Variants in ZSWIM4 observed in about 807,000 individuals in gnomAD.
ZSWIM4 encodes zinc finger SWIM-type containing 4.
In ZSWIM4, 62 loss-of-function variants were observed where a neutral mutation model predicts 102.5. The ratio of observed to expected loss-of-function variants is 0.60; its 90% CI spans 0.49 to 0.75. ZSWIM4 has a LOEUF of 0.75. ZSWIM4 is among the 30% of genes least tolerant of loss of function. The pLI, the probability that ZSWIM4 is intolerant of heterozygous loss-of-function variation, is 0.00. For missense variants in ZSWIM4, 1,280 were observed against 1,529.6 expected (o/e 0.84, Z 2.72); for synonymous variants, 652 against 674.5 (o/e 0.97, Z 0.52).
Position 13,830,537 on chromosome 19 carries a change from C to G in ZSWIM4, c.2808C>G (p.Leu936=). ...ARYMEHRGLP[L]RAYKLATLAL... Reference sequence around the variant, plus strand: ...ATATGGAGCACCGCGGGCTGCCGCTCCGGGCCTACAAGCTGGCGACGCTGG... The same window carrying G: ...ATATGGAGCACCGCGGGCTGCCGCTGCGGGCCTACAAGCTGGCGACGCTGG... The change falls in exon 14 of 14, where the codon CTC becomes CTG. Residue 936 remains leucine (L), a synonymous_variant. Coordinates refer to ENST00000590508, the MANE Select transcript of ZSWIM4 (RefSeq NM_001367834.3). 6.3e-7 allele frequency: 1 copy of G among 1,599,504 alleles called. No homozygotes were observed. The highest frequency in any genetic ancestry group is 8.5e-7 in the Non-Finnish European group (1 of 1,179,440).
At position 13,799,814 on chromosome 19, in the gene ZSWIM4, C is replaced by G; in HGVS notation, c.248C>G (p.Ser83Trp). The change falls in exon 2 of 14, where the codon TCG (serine) becomes TGG (tryptophan). Residue 83 changes from serine (S) to tryptophan (W), a missense_variant. Coordinates refer to ENST00000590508, the MANE Select transcript of ZSWIM4 (RefSeq NM_001367834.3). Reference sequence around the variant, plus strand: ...AGTGAACGGGAAATATGTATGTACTCGTCGCTGGGTTACCCGCCCCCAGAG... The same window carrying G: ...AGTGAACGGGAAATATGTATGTACTGGTCGCTGGGTTACCCGCCCCCAGAG... ...PRSEREICMY[S>W]SLGYPPPEGE... The G allele has an allele frequency of 1.2e-6, 2 of 1,613,990 alleles. No individual in the cohort carries two copies. The highest frequency in any genetic ancestry group is 1.7e-6 in the Non-Finnish European group (2 of 1,180,008).
At chr19:13,817,181 T>G in intron 7 of ZSWIM4, 35 bp from the exon 8 acceptor site, 1 of 1,593,766 alleles carries the variant, frequency 6.3e-7, no homozygotes, top group Non-Finnish European at 8.6e-7. Flanking sequence ...CTTGGGCAGG[T>G]GTGTGGGCAT....
chr19:13,799,632 T>TG, intron 1 of ZSWIM4, 88 bp from the exon 2 acceptor site: 1 of 1,338,916 alleles, frequency 7.5e-7, no homozygotes, highest in South Asian at 1.2e-5. Flanking sequence ...CTCGAACTCT[T>TG]GGCCTCAAGC....
intron 3 of ZSWIM4, 80 bp from the exon 4 acceptor site, chr19:13,808,756 A>G (rs1974985710): frequency 5.1e-6 from 7 of 1,359,660 alleles, no homozygotes; most frequent in African/African-American, 1.5e-5. Context: ...AAAAAAAAAA[A>G]AAAAAGGACA....
chr19:13,807,404 G>A (rs1006111788), intron 3 of ZSWIM4, among the ~76,000 whole-genome samples: 1 of 152,120 alleles, frequency 6.6e-6, no homozygotes, highest in Non-Finnish European at 1.5e-5. Context: ...AGACAGATGA[G>A]TAAACAGATG....
intron 10 of ZSWIM4, among the ~76,000 whole-genome samples, chr19:13,822,200 AC>A (rs1975486746): frequency 7.3e-6 from 1 of 137,056 alleles, no homozygotes; most frequent in Non-Finnish European, 1.6e-5. Flanking sequence ...ACACACACAC[AC>A]ACACAGTTTG....
Position 13,795,816 on chromosome 19 carries a change from A to G in ZSWIM4, c.153+15A>G. Reference sequence around the variant, plus strand: ...CCTTCGAGCAGGTGACCGCGGGGGAAGGGGGCGGGGGCAGGGACGCACCCC... The same window carrying G: ...CCTTCGAGCAGGTGACCGCGGGGGAGGGGGGCGGGGGCAGGGACGCACCCC... On this transcript the variant is annotated intron_variant, in intron 1 of 13. Coordinates refer to ENST00000590508, the MANE Select transcript of ZSWIM4 (RefSeq NM_001367834.3). 2 of 1,224,540 alleles carry G rather than the reference A, an allele frequency of 1.6e-6. No individual in the cohort carries two copies. Among genetic ancestry groups the G allele is most frequent in the East Asian group, 3.1e-5 (1 of 31,934 alleles). 75.9% of individuals were successfully genotyped at this position (1,224,540 alleles called of 1,614,324 possible). A position where few individuals can be genotyped will look rare whatever the true frequency, so the allele number is the denominator to read the frequency against.
In ZSWIM4 at chr19:13,830,202, C is replaced by T. The variant is rs1975719347; in HGVS notation, c.2473C>T (p.Leu825=). The change falls in exon 14 of 14, where the codon CTG becomes TTG. Residue 825 remains leucine, a synonymous_variant. Transcript: ENST00000590508. ...TCACCTCCCACCAGGCCCGCAAGCCCTGATGAATATCATGCAGAACTGGTA... is the reference window on the plus strand; with the variant it reads ...TCACCTCCCACCAGGCCCGCAAGCCTTGATGAATATCATGCAGAACTGGTA... ...SCATEIGPQA[L]MNIMQNWYSL... 6.2e-7 allele frequency: 1 copy of T among 1,610,732 alleles called. No individual in the cohort carries two copies. Among genetic ancestry groups the T allele is most frequent in the Non-Finnish European group, 8.5e-7 (1 of 1,178,054 alleles).
chr19:13,825,630 C>T lies in ZSWIM4; in HGVS notation c.2296C>T (p.Gln766Ter). ...TCCGGCCCTGCTCTTTAAGCTGGCG[C>T]AGGACGCCTGCAAGACAGCCACCCC... is the stretch of plus-strand genomic sequence containing the variant. ...HSPALLFKLA[Q>*]DACKTATPVS... Residue 766 changes from glutamine (Q) to a stop codon, truncating the protein, a stop_gained, in exon 12 of 14, where the codon CAG becomes TAG. Transcript: ENST00000590508. LOFTEE classifies it high-confidence loss of function. The surrounding 1 kb of genome is among the most constrained non-coding windows in gnomAD (Gnocchi z 4.6). 1 of 1,614,094 alleles carries T rather than the reference C, an allele frequency of 6.2e-7. No individual in the cohort carries two copies.
intron 12 of ZSWIM4, among the ~76,000 whole-genome samples, chr19:13,826,255 T>G (rs536536118): frequency 2.6e-5 from 4 of 151,846 alleles, no homozygotes; most frequent in African/African-American, 9.7e-5. Flanking sequence ...AAGCGGAGCC[T>G]GGGGGTGGGG....
chr19:13,828,590 C>T, intron 12 of ZSWIM4, 55 bp from the exon 13 acceptor site: 2 of 1,563,866 alleles, frequency 1.3e-6, no homozygotes, highest in Non-Finnish European at 1.8e-6. Flanking sequence ...AACGCCCCTC[C>T]ATAGGCCAGC....
intron 8 of ZSWIM4, 68 bp downstream of exon 8, chr19:13,817,421 A>G: frequency 1.3e-6 from 2 of 1,563,264 alleles, no homozygotes; most frequent in Non-Finnish European, 1.7e-6. Flanking sequence ...CCCCTGGCCC[A>G]GTACCCCTAT....
In ZSWIM4 at chr19:13,823,498, A is replaced by C. The variant is rs1442257905; in HGVS notation, c.2213A>C (p.Lys738Thr). The change falls in exon 11 of 14, where the codon AAG becomes ACG. Residue 738 changes from lysine to threonine, a missense_variant and splice_region_variant. Coordinates refer to ENST00000590508, the MANE Select transcript of ZSWIM4 (RefSeq NM_001367834.3). ...ELASTMLTAA[K>T]GDPKWLHTVL... ...GCTTCCACCATGTTGACGGCCGCCA[A>C]GGGTGAGGCTGGCAGCTGTCCCGAT... is the stretch of plus-strand genomic sequence containing the variant. 1 of 1,567,206 alleles carries C rather than the reference A, an allele frequency of 6.4e-7. No homozygotes were observed.
intron 5 of ZSWIM4, among the ~76,000 whole-genome samples, chr19:13,812,070 G>A (rs1034311102): frequency 2.0e-5 from 3 of 151,924 alleles, no homozygotes; most frequent in Non-Finnish European, 4.4e-5. Flanking sequence ...GTGAGACTCT[G>A]TCTCAAAAAA....
chr19:13,796,384 A>G (rs1974613341), intron 1 of ZSWIM4, among the ~76,000 whole-genome samples: 1 of 151,516 alleles, frequency 6.6e-6, no homozygotes. Flanking sequence ...CCTACCGTAC[A>G]CCCCAAGTAA....
intron 1 of ZSWIM4, among the ~76,000 whole-genome samples, chr19:13,799,216 G>A (rs978663261): frequency 3.3e-5 from 5 of 151,568 alleles, no homozygotes; most frequent in African/African-American, 1.2e-4. Flanking sequence ...AGGTAGCTGG[G>A]ATTCCAGATG....
chr19:13,810,412 C>A (rs2145298442), intron 5 of ZSWIM4, among the ~76,000 whole-genome samples: 1 of 151,896 alleles, frequency 6.6e-6, no homozygotes, highest in South Asian at 2.1e-4. Context: ...CCTGCCTTAG[C>A]CTTCTCAGTA....
rs1205884088 is a variant in ZSWIM4 at position 13,799,935 on chromosome 19, C to T, written c.355+14C>T. The T allele has an allele frequency of 1.1e-5, 18 of 1,604,536 alleles. No individual in the cohort carries two copies. The highest frequency in any genetic ancestry group is 1.5e-5 in the Non-Finnish European group (18 of 1,177,980). On this transcript the variant is annotated intron_variant, in intron 2 of 13. Coordinates refer to ENST00000590508, the MANE Select transcript of ZSWIM4 (RefSeq NM_001367834.3). The stretch of plus-strand genomic sequence containing the variant: ...TGTTGCAAGTGGGTGAGTCTTTGTC[C>T]CCCACTCCTGCTGGGGAGGCCAGGA...
chr19:13,815,822 C>T (rs2145329737), intron 7 of ZSWIM4, among the ~76,000 whole-genome samples: 1 of 151,746 alleles, frequency 6.6e-6, no homozygotes, highest in South Asian at 2.1e-4. Flanking sequence ...ACCTGTATTT[C>T]CAGCTACTAG....
Sources: gnomAD v4.1 joint callset for allele counts (sites outside exome capture counted in the v4.1 genomes callset) on GRCh38, gnomAD v4.1.1 for gene constraint, Gnocchi (gnomAD v3.1) non-coding constraint, MANE v1.5 for transcripts, NCBI Gene and HGNC (gene_info 2026-07-23, HGNC 2026-07-21) for gene names.